Variants in PLCH2 observed in about 807,000 individuals in gnomAD.
The protein encoded by PLCH2 is phospholipase C eta 2.
PLCH2 carries 98 observed loss-of-function variants against 134.7 expected under a neutral mutation model. That is an observed-to-expected ratio of 0.73 (90% CI 0.62 to 0.86). The LOEUF is 0.86. PLCH2 is among the 40% of genes least tolerant of loss of function. PLCH2 has a pLI of 0.00. For missense variants in PLCH2, 1,994 were observed against 1,986.6 expected (o/e 1.00, Z -0.07); for synonymous variants, 974 against 827.5 (o/e 1.18, Z -3.04).
chr1:2,469,573 G>A (rs1209658548), intron 1 of PLCH2, among the ~76,000 whole-genome samples: 1 of 152,188 alleles, frequency 6.6e-6, no homozygotes, highest in Non-Finnish European at 1.5e-5. Context: ...CTTTGCTGGG[G>A]CAGGTGTGTG....
At chr1:2,455,730 A>G (rs1056473083) in intron 2 of PLCH2, among the ~76,000 whole-genome samples, 3 of 152,052 alleles carry the variant, frequency 2.0e-5, no homozygotes, top group African/African-American at 7.2e-5. Flanking sequence ...CAGGTGGCAA[A>G]GCGCACCTGC....
intron 2 of PLCH2, among the ~76,000 whole-genome samples, chr1:2,452,227 C>G (rs1026194943): frequency 1.2e-4 from 18 of 152,336 alleles, no homozygotes; most frequent in African/African-American, 3.8e-4. Context: ...ACCCAGGATG[C>G]TGGAGCTTCA....
At chr1:2,459,048 C>G (rs1031093674) in intron 2 of PLCH2, among the ~76,000 whole-genome samples, 2 of 152,248 alleles carry the variant, frequency 1.3e-5, no homozygotes, top group African/African-American at 4.8e-5. Context: ...ATTGCAGACT[C>G]AGCCCCGAAT....
rs1642496806 is a variant in PLCH2, at chr1:2,490,182, C to CAGGTG, written c.1515+315_1515+316insAGGTG. The stretch of plus-strand genomic sequence containing the variant: ...GCAGCACTGGGGGCTGGGTCCCACG[C>CAGGTG]CAGACTCCACCCCATTCCCACCAGC... On this transcript the variant is annotated intron_variant, in intron 10 of 21. Transcript: ENST00000378486. Among the ~76,000 whole-genome samples, 7 of 152,296 alleles carry CAGGTG rather than the reference C, an allele frequency of 4.6e-5. No homozygotes were observed. The South Asian group carries it at 1.4e-3, about 32-fold the overall frequency.
intron 2 of PLCH2, among the ~76,000 whole-genome samples, chr1:2,462,084 C>A (rs34495964): frequency 0.14 from 19,365 of 142,448 alleles, 1,501 homozygotes; most frequent in East Asian, 0.26. Context: ...CTCCGCTTGA[C>A]AACCCTCCAC....
upstream of PLCH2, among the ~76,000 whole-genome samples, chr1:2,476,104 C>T (rs890941542): frequency 3.9e-5 from 6 of 152,320 alleles, no homozygotes; most frequent in South Asian, 2.1e-4. Context: ...AGGGCCCTCC[C>T]GTTGGTCCTG....
At chr1:2,449,238 C>T (rs1399103475) in intron 2 of PLCH2, among the ~76,000 whole-genome samples, 5 of 150,714 alleles carry the variant, frequency 3.3e-5, no homozygotes, top group Non-Finnish European at 7.4e-5. Context: ...TGCCTGTAAT[C>T]CCAGCACTTT....
chr1:2,456,015 G>A (rs1640474109), intron 2 of PLCH2, among the ~76,000 whole-genome samples: 1 of 152,270 alleles, frequency 6.6e-6, no homozygotes, highest in Non-Finnish European at 1.5e-5. Flanking sequence ...GTGGTGCACT[G>A]TGGGTTATTT....
At position 2,439,042 on chromosome 1, in the gene PLCH2, G is replaced by C. The variant is rs535405409; in HGVS notation, c.115+8413G>C. ...ACTACGCCCTCCCAGCCCTGACCCA[G>C]CTCCCAGGGTCCCTGTCTTGCTAGA... On this transcript the variant is annotated intron_variant, in intron 2 of 3. Transcript: ENST00000609981. The surrounding 1 kb of genome is among the most constrained non-coding windows in gnomAD (Gnocchi z 4.7). Among the ~76,000 whole-genome samples, 10 of 152,316 alleles carry C rather than the reference G, an allele frequency of 6.6e-5. No homozygotes were observed. The South Asian group carries it at 2.1e-3, about 32-fold the overall frequency.
rs908549507 is a variant in PLCH2 at position 2,496,776 on chromosome 1, G to A, written c.1934-52G>A. The A allele has an allele frequency of 2.0e-5, 33 of 1,610,082 alleles. No individual in the cohort carries two copies. The African/African-American group carries it at 2.3e-4, about 11-fold the overall frequency. On this transcript the variant is annotated intron_variant, in intron 14 of 21. Coordinates refer to ENST00000378486, the MANE Select transcript of PLCH2 (RefSeq NM_014638.4). ...CCCCATCCCTGCTATGCTGCTGGGC[G>A]CCGGGCGAGGTCGAGGACTGGCAGT...
chr1:2,463,630 G>A (rs893306551), upstream of PLCH2, among the ~76,000 whole-genome samples: 3 of 151,416 alleles, frequency 2.0e-5, no homozygotes, highest in Non-Finnish European at 3.0e-5. Flanking sequence ...GACAGCTGCA[G>A]CCCGGAGACT....
At position 2,494,802 on chromosome 1, in the gene PLCH2, C is replaced by A; in HGVS notation, c.1660-54C>A. 2 of 1,347,916 alleles carry A rather than the reference C, an allele frequency of 1.5e-6. 1 individual carries two copies. The highest frequency in any genetic ancestry group is 2.9e-5 in the African/African-American group (2 of 69,454). The allele number at this position is 1,347,916 out of a possible 1,614,324, so 83.5% of individuals were successfully genotyped here. On this transcript the variant is annotated intron_variant, in intron 11 of 21. Transcript: ENST00000378486. ...GACCACCAGGGGCTGTCCCGGCCTC[C>A]CTGCCTGGTTCAAGGCTAGACTCAC...
At chr1:2,423,286 G>C (rs568219411), upstream of PLCH2, among the ~76,000 whole-genome samples, 4 of 152,248 alleles carry the variant, frequency 2.6e-5, no homozygotes, top group African/African-American at 9.6e-5. Context: ...CTCCTGGGCT[G>C]AAGCAATCCT....
Position 2,476,673 on chromosome 1 carries a change from A to T in PLCH2, c.85A>T (p.Ser29Cys), listed in dbSNP as rs758025558. ...LAEVLLWVGG[S>C]VVLSSEWQLG... ...GGAGGTACTCCTCTGGGTTGGAGGG[A>T]GTGTGGTGCTGTCTTCAGAGTGGCA... Residue 29 changes from serine (S) to cysteine (C), a missense_variant, in exon 1 of 22, where the codon AGT becomes TGT. By Grantham distance (112) the Ser-to-Cys change is moderately radical. This residue lies in a region of PLCH2 where 1,094 missense variants were observed against 1,234.3 expected (regional missense o/e 0.89). Transcript: ENST00000378486. 23 of 1,610,114 alleles carry T rather than the reference A, an allele frequency of 1.4e-5. No individual in the cohort carries two copies. Among genetic ancestry groups the T allele is most frequent in the Non-Finnish European group, 1.9e-5 (22 of 1,178,956 alleles).
intron 2 of PLCH2, among the ~76,000 whole-genome samples, chr1:2,458,805 G>A (rs1264640851): frequency 6.6e-6 from 1 of 152,224 alleles, no homozygotes; most frequent in Non-Finnish European, 1.5e-5. Context: ...TCCCACTTCA[G>A]CCTCCTGTAC....
Position 2,487,732 on chromosome 1 carries a change from C to A in PLCH2, c.1235+14C>A. ...CATCAAGAATGAGTGAGTGGCTGGG[C>A]CTAGCGGGGCTGGCCCCAGAGGTGG... On this transcript the variant is annotated intron_variant, in intron 8 of 21. Transcript: ENST00000378486. 6.2e-7 allele frequency: 1 copy of A among 1,610,804 alleles called. No homozygotes were observed. The highest frequency in any genetic ancestry group is 1.1e-5 in the South Asian group (1 of 90,546).
Position 2,491,821 on chromosome 1 carries a change from G to A in PLCH2, c.1659+486G>A, listed in dbSNP as rs143957030. On this transcript the variant is annotated intron_variant, in intron 11 of 21. Transcript: ENST00000378486. ...CTGTGGGTGGGACAGAGTGGGGAGC[G>A]TGGGTGGGCCCTACAGACCCTCCAC... 7.7e-3 allele frequency among the ~76,000 whole-genome samples: 1,177 copies of A among 152,200 alleles called. 15 individuals are homozygous for A. Among genetic ancestry groups the A allele is most frequent in the African/African-American group, 0.026 (1,069 of 41,488 alleles).
chr1:2,503,493 C>A lies in PLCH2; in HGVS notation c.2960-429C>A, dbSNP rs933615111. On this transcript the variant is annotated intron_variant, in intron 21 of 21. Coordinates refer to ENST00000378486, the MANE Select transcript of PLCH2 (RefSeq NM_014638.4). ...CGCTGCTTTGGGCTGAAGCACCCCA[C>A]TAGAAGGGTGTCTCCTTAGCCTGGA... The A allele has an allele frequency of 2.3e-5, 15 of 645,034 alleles. No individual in the cohort carries two copies. The Admixed American group carries it at 3.7e-4, about 16-fold the overall frequency. The allele number at this position is 645,034 out of a possible 1,614,324, so 40.0% of individuals were successfully genotyped here.
In PLCH2 at chr1:2,439,069, C is replaced by T. The variant is rs1639568253; in HGVS notation, c.115+8440C>T. ...TCCCAGGGTCCCTGTCTTGCTAGAC[C>T]TGGACGGAAATATCTCCCTTGCCAA... On this transcript the variant is annotated intron_variant, in intron 2 of 3. Transcript: ENST00000609981. The surrounding 1 kb of genome is among the most constrained non-coding windows in gnomAD (Gnocchi z 4.7). 6.6e-6 allele frequency among the ~76,000 whole-genome samples: 1 copy of T among 152,222 alleles called. No individual in the cohort carries two copies. Among genetic ancestry groups the T allele is most frequent in the Admixed American group, 6.5e-5 (1 of 15,286 alleles).
Sources: allele counts gnomAD v4.1 joint callset (sites outside exome capture counted in the v4.1 genomes callset), GRCh38; gene constraint gnomAD v4.1.1; regional missense constraint gnomAD v4.1.1; non-coding constraint Gnocchi (gnomAD v3.1); transcripts MANE v1.5; gene names NCBI Gene and HGNC (gene_info 2026-07-23, HGNC 2026-07-21).